LPAR2: variants seen among roughly 807,000 people sequenced by gnomAD.
LPAR2 encodes lysophosphatidic acid receptor 2.
Under a neutral mutation model 15.6 loss-of-function variants are expected in LPAR2, and 10 were observed. The observed-to-expected ratio is 0.64, with a 90% CI of 0.39 to 1.09. LPAR2 has a LOEUF of 1.09. Ranked by LOEUF, LPAR2 falls within the 50% of genes least tolerant of loss-of-function variation. The pLI is 0.01. For missense variants in LPAR2, 413 were observed against 484.6 expected (o/e 0.85, Z 1.39); for synonymous variants, 204 against 207.4 (o/e 0.98, Z 0.14).
Position 19,627,139 on chromosome 19 carries a change from G to A in LPAR2, c.146C>T (p.Thr49Ile). ...GATGGCTGCTATGACCAGCAGATTGGTCAGCAGCACCAGCACGCTGACGGT... is the reference window on the plus strand; with the variant it reads ...GATGGCTGCTATGACCAGCAGATTGATCAGCAGCACCAGCACGCTGACGGT... The change falls in exon 2 of 3, where the codon ACC becomes ATC. Residue 49 changes from threonine (T) to isoleucine (I), a missense_variant. Coordinates refer to ENST00000407877, the MANE Select transcript of LPAR2 (RefSeq NM_004720.7). The surrounding 1 kb of genome is among the most constrained non-coding windows in gnomAD (Gnocchi z 4.7). 6.2e-7 allele frequency: 1 copy of A among 1,613,208 alleles called. No individual in the cohort carries two copies. The highest frequency in any genetic ancestry group is 8.5e-7 in the Non-Finnish European group (1 of 1,179,892).
At position 19,625,874 on chromosome 19, in the gene LPAR2, C is replaced by CTTTT. The variant is rs545532352; in HGVS notation, c.742+665_742+668dup. Among the ~76,000 whole-genome samples, 4 of 129,862 alleles carry CTTTT rather than the reference C, an allele frequency of 3.1e-5. 1 individual carries two copies. Among genetic ancestry groups the CTTTT allele is most frequent in the Non-Finnish European group, 6.3e-5 (4 of 63,372 alleles). 85.2% of individuals were successfully genotyped at this position (129,862 alleles called of 152,430 possible). A position where few individuals can be genotyped will look rare whatever the true frequency, so the allele number is the denominator to read the frequency against. ...ACAGGCTTAGCACTGCTAAAAACTCCTTTTTTTTTTTTTTTTCTGAGACAG... is the reference window on the plus strand; with the variant it reads ...ACAGGCTTAGCACTGCTAAAAACTCCTTTTTTTTTTTTTTTTTTTTCTGAGACAG... On this transcript the variant is annotated intron_variant, in intron 2 of 2. Coordinates refer to ENST00000407877, the MANE Select transcript of LPAR2 (RefSeq NM_004720.7).
rs1170855599 is a variant in LPAR2, at chr19:19,628,162, C to A, written c.-71G>T. ...CGGGGCGGGCTCGAGGCCCATGGCC[C>A]GGCGACTGCGGCGGGAGCGGTAGAG... On this transcript the variant is annotated 5_prime_UTR_variant, in exon 1 of 3. Coordinates refer to ENST00000407877, the MANE Select transcript of LPAR2 (RefSeq NM_004720.7). The A allele has an allele frequency of 6.6e-6, 1 of 152,188 alleles. No individual in the cohort carries two copies. The highest frequency in any genetic ancestry group is 1.9e-4 in the East Asian group (1 of 5,178). The allele number at this position is 152,188 out of a possible 1,614,324, so 9.4% of individuals were successfully genotyped here. A position where few individuals can be genotyped will look rare whatever the true frequency, so the allele number is the denominator to read the frequency against.
In LPAR2 at chr19:19,626,498, T is replaced by C. The variant is rs1568406154; in HGVS notation, c.742+45A>G. On this transcript the variant is annotated intron_variant, in intron 2 of 2. Transcript: ENST00000407877. This position sits in a 1 kb window ranked among gnomAD's most constrained non-coding sequence, Gnocchi z 5.3. ...TTGCTTCGCAGTGTCTTGTGGGAGA[T>C]AGGGGGAAGCAGGGTCCCTGTTGCC... 6.5e-7 allele frequency: 1 copy of C among 1,545,108 alleles called. No individual in the cohort carries two copies. The highest frequency in any genetic ancestry group is 2.0e-5 in the Admixed American group (1 of 50,312).
Position 19,626,146 on chromosome 19 carries a change from G to C in LPAR2, c.742+397C>G, listed in dbSNP as rs574588797. Among the ~76,000 whole-genome samples, 10 of 152,166 alleles carry C rather than the reference G, an allele frequency of 6.6e-5. No homozygotes were observed. Among genetic ancestry groups the C allele is most frequent in the Admixed American group, 3.9e-4 (6 of 15,288 alleles). ...GATCTGCCCGCCTCGGCCTCCCAAA[G>C]TGCTGGGATTACAGGCGTGAGCCAC... On this transcript the variant is annotated intron_variant, in intron 2 of 2. Transcript: ENST00000407877. The surrounding 1 kb of genome is among the most constrained non-coding windows in gnomAD (Gnocchi z 5.3).
At position 19,627,650 on chromosome 19, in the gene LPAR2, G is replaced by A. The variant is rs1417041709; in HGVS notation, c.1-366C>T. 3.5e-6 allele frequency: 1 copy of A among 287,642 alleles called. No individual in the cohort carries two copies. The highest frequency in any genetic ancestry group is 9.3e-5 in the East Asian group (1 of 10,748). 17.8% of individuals were successfully genotyped at this position (287,642 alleles called of 1,614,324 possible). A position where few individuals can be genotyped will look rare whatever the true frequency, so the allele number is the denominator to read the frequency against. On this transcript the variant is annotated intron_variant, in intron 1 of 2. Coordinates refer to ENST00000407877, the MANE Select transcript of LPAR2 (RefSeq NM_004720.7). The surrounding 1 kb of genome is among the most constrained non-coding windows in gnomAD (Gnocchi z 4.7). ...GAGGAGGGTTAGGGAAAGACAAAGGGGTGTGAGCTGCGGGAAGAGATGAGG... is the reference window on the plus strand; with the variant it reads ...GAGGAGGGTTAGGGAAAGACAAAGGAGTGTGAGCTGCGGGAAGAGATGAGG...
rs185072532 is a variant in LPAR2 at position 19,626,745 on chromosome 19, G to A, written c.540C>T (p.Arg180=). The A allele has an allele frequency of 6.6e-4, 1,063 of 1,612,818 alleles. 8 individuals carry two copies. Among genetic ancestry groups the A allele is most frequent in the Admixed American group, 4.0e-3 (238 of 59,892 alleles). ...AGGAGCGGCTGAGCAGGGGTGCCATGCGTGAGCAGCGGTCCAGGGCACAGA... is the reference window on the plus strand; with the variant it reads ...AGGAGCGGCTGAGCAGGGGTGCCATACGTGAGCAGCGGTCCAGGGCACAGA... Residue 180 remains arginine, a synonymous_variant, in exon 2 of 3, where the codon CGC becomes CGT. Transcript: ENST00000407877. The surrounding 1 kb of genome is among the most constrained non-coding windows in gnomAD (Gnocchi z 5.3).
rs1333707885 is a variant in LPAR2, at chr19:19,626,188, T to C, written c.742+355A>G. 6.6e-6 allele frequency among the ~76,000 whole-genome samples: 1 copy of C among 152,180 alleles called. No homozygotes were observed. The highest frequency in any genetic ancestry group is 1.5e-5 in the Non-Finnish European group (1 of 68,032). ...GTGAGCCACTGTGCCCGGCTAGCAC[T>C]GCTAAAAACTCTTAAGGGGTTCCCA... On this transcript the variant is annotated intron_variant, in intron 2 of 2. Coordinates refer to ENST00000407877, the MANE Select transcript of LPAR2 (RefSeq NM_004720.7). This position sits in a 1 kb window ranked among gnomAD's most constrained non-coding sequence, Gnocchi z 5.3.
chr19:19,626,149 C>G lies in LPAR2; in HGVS notation c.742+394G>C, dbSNP rs537081588. On this transcript the variant is annotated intron_variant, in intron 2 of 2. Transcript: ENST00000407877. The surrounding 1 kb of genome is among the most constrained non-coding windows in gnomAD (Gnocchi z 5.3). ...CTGCCCGCCTCGGCCTCCCAAAGTGCTGGGATTACAGGCGTGAGCCACTGT... is the reference window on the plus strand; with the variant it reads ...CTGCCCGCCTCGGCCTCCCAAAGTGGTGGGATTACAGGCGTGAGCCACTGT... 5.9e-5 allele frequency among the ~76,000 whole-genome samples: 9 copies of G among 152,202 alleles called. No homozygotes were observed. Among genetic ancestry groups the G allele is most frequent in the Non-Finnish European group, 1.3e-4 (9 of 68,000 alleles).
Position 19,624,119 on chromosome 19 carries a change from G to A in LPAR2, c.*137C>T, listed in dbSNP as rs1027137127. On this transcript the variant is annotated 3_prime_UTR_variant, in exon 3 of 3. Transcript: ENST00000407877. ...CAGAGTGGTGTGCCTGGGGAGGCCT[G>A]GCAGTGGTGCTGTGCCATGCCAGAC... 1.3e-5 allele frequency: 11 copies of A among 868,510 alleles called. No homozygotes were observed. The highest frequency in any genetic ancestry group is 3.6e-4 in the Middle Eastern group (1 of 2,794). 53.8% of individuals were successfully genotyped at this position (868,510 alleles called of 1,614,324 possible).
At position 19,624,291 on chromosome 19, in the gene LPAR2, C is replaced by T. The variant is rs760820043; in HGVS notation, c.1021G>A (p.Glu341Lys). ...GAGTCCATCAGTGGGTGGCCGTTCTCGGGAAGCATGATGCGAGTGCTGGCA... is the reference window on the plus strand; with the variant it reads ...GAGTCCATCAGTGGGTGGCCGTTCTTGGGAAGCATGATGCGAGTGCTGGCA... The change falls in exon 3 of 3, where the codon GAG becomes AAG. Residue 341 changes from glutamate (E) to lysine (K), a missense_variant. Glu to Lys is a moderately conservative substitution (Grantham distance 56). Transcript: ENST00000407877. The T allele has an allele frequency of 5.6e-6, 9 of 1,610,356 alleles. No homozygotes were observed. Among genetic ancestry groups the T allele is most frequent in the African/African-American group, 4.0e-5 (3 of 74,800 alleles).
In LPAR2 at chr19:19,626,825, C is replaced by T. The variant is rs773590633; in HGVS notation, c.460G>A (p.Val154Met). 62 of 1,596,240 alleles carry T rather than the reference C, an allele frequency of 3.9e-5. No homozygotes were observed. The highest frequency in any genetic ancestry group is 4.2e-5 in the Non-Finnish European group (49 of 1,172,102). ...CCCAGGCCCAGGGCAGCCACCCACA[C>T]GCCCACAATGAGCATGACCACGCGG... The change falls in exon 2 of 3, where the codon GTG (valine) becomes ATG (methionine). Residue 154 changes from valine (V) to methionine (M), a missense_variant. Val to Met is a conservative substitution (Grantham distance 21). Coordinates refer to ENST00000407877, the MANE Select transcript of LPAR2 (RefSeq NM_004720.7). The surrounding 1 kb of genome is among the most constrained non-coding windows in gnomAD (Gnocchi z 5.3).
intron 2 of LPAR2, 152 bp from the exon 3 acceptor site, chr19:19,624,721 G>A (rs2061731576): frequency 1.5e-6 from 1 of 647,212 alleles, no homozygotes; most frequent in South Asian, 1.9e-5. Flanking sequence ...TCTGCAGTGT[G>A]ACAGGAAGGC....
chr19:19,625,507 G>A (rs1054507227), intron 2 of LPAR2, among the ~76,000 whole-genome samples: 3 of 151,814 alleles, frequency 2.0e-5, no homozygotes, highest in Non-Finnish European at 2.9e-5. Context: ...AATATGGGCC[G>A]GGCGTGGTGG....
chr19:19,626,961 C>G lies in LPAR2; in HGVS notation c.324G>C (p.Gln108His). 6.2e-7 allele frequency: 1 copy of G among 1,611,432 alleles called. No homozygotes were observed. The highest frequency in any genetic ancestry group is 8.5e-7 in the Non-Finnish European group (1 of 1,179,138). The stretch of plus-strand genomic sequence containing the variant: ...CAGTGAGGCTTGTGTCCAGCAAGCC[C>G]TGCCGCAGGAACCAGCCCTCAAGTG... The change falls in exon 2 of 3, where the codon CAG becomes CAC. Residue 108 changes from glutamine to histidine, a missense_variant. Transcript: ENST00000407877. The surrounding 1 kb of genome is among the most constrained non-coding windows in gnomAD (Gnocchi z 5.3).
chr19:19,626,991 T>A lies in LPAR2; in HGVS notation c.294A>T (p.Arg98=). ...GCAGGAACCAGCCCTCAAGTGAAAG[T>A]CGGGCTGTGCGGGGACCAGTGTGGA... is the stretch of plus-strand genomic sequence containing the variant. The change falls in exon 2 of 3, where the codon CGA becomes CGT. Residue 98 remains arginine (R), a synonymous_variant. Transcript: ENST00000407877. This position sits in a 1 kb window ranked among gnomAD's most constrained non-coding sequence, Gnocchi z 5.3. The A allele has an allele frequency of 6.2e-7, 1 of 1,613,418 alleles. No individual in the cohort carries two copies. The highest frequency in any genetic ancestry group is 8.5e-7 in the Non-Finnish European group (1 of 1,179,874).
At position 19,626,671 on chromosome 19, in the gene LPAR2, A is replaced by G. The variant is rs772424220; in HGVS notation, c.614T>C (p.Val205Ala). 1 of 1,613,632 alleles carries G rather than the reference A, an allele frequency of 6.2e-7. No homozygotes were observed. Among genetic ancestry groups the G allele is most frequent in the Non-Finnish European group, 8.5e-7 (1 of 1,180,042 alleles). The stretch of plus-strand genomic sequence containing the variant: ...GAAGAAAATGCGGGTGTACACAGCC[A>G]CCATGAGCAGGAAGACAAGCAGGCT... Residue 205 changes from valine to alanine, a missense_variant, in exon 2 of 3, where the codon GTG becomes GCG. Val to Ala is a moderately conservative substitution (Grantham distance 64, BLOSUM62 0). Transcript: ENST00000407877. This position sits in a 1 kb window ranked among gnomAD's most constrained non-coding sequence, Gnocchi z 5.3.
In LPAR2 at chr19:19,624,554, C is replaced by G. The variant is rs778726573; in HGVS notation, c.758G>C (p.Cys253Ser). Residue 253 changes from cysteine (C) to serine (S), a missense_variant, in exon 3 of 3, where the codon TGC (cysteine) becomes TCC (serine). Transcript: ENST00000407877. The stretch of plus-strand genomic sequence containing the variant: ...CAGTACCACCTGGCCTGGTGTCCAG[C>G]AGACCACGAACGCCCCTGTGGGACA... 5.0e-6 allele frequency: 8 copies of G among 1,602,392 alleles called. No homozygotes were observed. The Admixed American group carries it at 6.7e-5, about 13-fold the overall frequency.
At position 19,627,165 on chromosome 19, in the gene LPAR2, C is replaced by G. The variant is rs199937857; in HGVS notation, c.120G>C (p.Leu40=). ...TCAGCAGCACCAGCACGCTGACGGT[C>G]AGCCCCAGTGCCACCACGACCACAT... The change falls in exon 2 of 3, where the codon CTG becomes CTC. Residue 40 remains leucine, a synonymous_variant. Transcript: ENST00000407877. The surrounding 1 kb of genome is among the most constrained non-coding windows in gnomAD (Gnocchi z 4.7). 1.2e-6 allele frequency: 2 copies of G among 1,613,306 alleles called. No homozygotes were observed. Among genetic ancestry groups the G allele is most frequent in the Middle Eastern group, 1.6e-4 (1 of 6,062 alleles).
chr19:19,626,675 T>A lies in LPAR2; in HGVS notation c.610A>T (p.Met204Leu). 6.2e-7 allele frequency: 1 copy of A among 1,613,610 alleles called. No homozygotes were observed. The highest frequency in any genetic ancestry group is 8.5e-7 in the Non-Finnish European group (1 of 1,180,028). The change falls in exon 2 of 3, where the codon ATG becomes TTG. Residue 204 changes from methionine (M) to leucine (L), a missense_variant. Met to Leu is a conservative substitution (Grantham distance 15, BLOSUM62 2). Transcript: ENST00000407877. The surrounding 1 kb of genome is among the most constrained non-coding windows in gnomAD (Gnocchi z 5.3). ...AAAATGCGGGTGTACACAGCCACCA[T>A]GAGCAGGAAGACAAGCAGGCTCGAC...
Sources: gnomAD v4.1 joint callset for allele counts (sites outside exome capture counted in the v4.1 genomes callset) on GRCh38, gnomAD v4.1.1 for gene constraint, Gnocchi (gnomAD v3.1) non-coding constraint, MANE v1.5 for transcripts, NCBI Gene and HGNC (gene_info 2026-07-23, HGNC 2026-07-21) for gene names.